Variants in FRAS1 observed in about 807,000 individuals in gnomAD.
FRAS1 encodes Fraser extracellular matrix complex subunit 1.
FRAS1 carries 290 observed loss-of-function variants against 435.2 expected under a neutral mutation model. That is an observed-to-expected ratio of 0.67 (90% CI 0.61 to 0.73). FRAS1 has a LOEUF of 0.73. FRAS1 is among the 30% of genes least tolerant of loss of function. The pLI, the probability that FRAS1 is intolerant of heterozygous loss-of-function variation, is 0.00. For synonymous variants in FRAS1, 1,800 were observed against 1,851.0 expected (o/e 0.97, Z 0.71); for missense variants, 4,860 against 5,001.5 (o/e 0.97, Z 0.85).
At chr4:78,508,636 A>C in intron 62 of FRAS1, 95 bp from the exon 63 acceptor site, 1 of 1,276,642 alleles carries the variant, frequency 7.8e-7, no homozygotes, top group East Asian at 2.4e-5. Context: ...ACCTGTAGAC[A>C]CTAAGAGATC....
intron 19 of FRAS1, among the ~76,000 whole-genome samples, chr4:78,336,658 A>G (rs536467959): frequency 6.6e-6 from 1 of 152,042 alleles, no homozygotes; most frequent in Non-Finnish European, 1.5e-5. Context: ...TTTTTCTTAA[A>G]TAACTCCTTA....
intron 14 of FRAS1, among the ~76,000 whole-genome samples, chr4:78,305,845 G>C (rs1220240436): frequency 6.6e-6 from 1 of 151,466 alleles, no homozygotes; most frequent in African/African-American, 2.4e-5. Context: ...TTTAATTGGA[G>C]CATTTAGTCC....
At chr4:78,109,462 C>T (rs950914919) in intron 2 of FRAS1, among the ~76,000 whole-genome samples, 17 of 152,072 alleles carry the variant, frequency 1.1e-4, no homozygotes, top group Admixed American at 3.3e-4. Flanking sequence ...AATCAATAAA[C>T]GTAATCTAGC....
intron 2 of FRAS1, among the ~76,000 whole-genome samples, chr4:78,232,558 T>C (rs1724561296): frequency 6.6e-6 from 1 of 152,214 alleles, no homozygotes; most frequent in South Asian, 2.1e-4. Context: ...GTGCTGGGAT[T>C]ACAGGCGTGA....
At chr4:78,211,017 C>T (rs768033629) in intron 2 of FRAS1, among the ~76,000 whole-genome samples, 50 of 152,112 alleles carry the variant, frequency 3.3e-4, no homozygotes, top group Admixed American at 7.9e-4. Context: ...CATGGCCTCC[C>T]CATAGGGAAG....
At chr4:78,262,434 G>C (rs1374927452) in intron 6 of FRAS1, among the ~76,000 whole-genome samples, 2 of 152,220 alleles carry the variant, frequency 1.3e-5, no homozygotes, top group Non-Finnish European at 2.9e-5. Flanking sequence ...CACATTGGAG[G>C]GAGGAAGGCC....
intron 2 of FRAS1, among the ~76,000 whole-genome samples, chr4:78,189,972 C>T (rs753766854): frequency 6.6e-6 from 1 of 152,194 alleles, no homozygotes; most frequent in Non-Finnish European, 1.5e-5. Context: ...CATCTTTTGC[C>T]TGCACTGATG....
At position 78,419,176 on chromosome 4, in the gene FRAS1, G is replaced by T. The variant is rs534072031; in HGVS notation, c.4540+113G>T. 1.2e-4 allele frequency: 67 copies of T among 582,180 alleles called. No individual in the cohort carries two copies. The East Asian group carries it at 2.0e-3, about 17-fold the overall frequency. 36.1% of individuals were successfully genotyped at this position (582,180 alleles called of 1,614,324 possible). A position where few individuals can be genotyped will look rare whatever the true frequency, so the allele number is the denominator to read the frequency against. On this transcript the variant is annotated intron_variant, in intron 33 of 73. Transcript: ENST00000512123. ...TGTATACATAGAGATATTTGTTGAG[G>T]TTTCAAGGAATAATGATTATTCATA...
chr4:78,244,341 A>T (rs1176799835), intron 3 of FRAS1, among the ~76,000 whole-genome samples: 1 of 152,130 alleles, frequency 6.6e-6, no homozygotes, highest in African/African-American at 2.4e-5. Context: ...CCTGTGGATA[A>T]GTCATGATTT....
At chr4:78,321,446 G>A (rs902617314) in intron 18 of FRAS1, among the ~76,000 whole-genome samples, 5 of 152,296 alleles carry the variant, frequency 3.3e-5, no homozygotes, top group East Asian at 1.9e-4. Flanking sequence ...CAGGAGAGAA[G>A]CACAGCATAC....
chr4:78,456,827 G>C lies in FRAS1; in HGVS notation c.6763+4473G>C, dbSNP rs1246583947. The stretch of plus-strand genomic sequence containing the variant: ...AGTTGTGGATTAGTGAGAAATAGTA[G>C]GCTGTGGCATCTAATCCTAAGTCTG... On this transcript the variant is annotated intron_variant, in intron 47 of 73. Coordinates refer to ENST00000512123, the MANE Select transcript of FRAS1 (RefSeq NM_025074.7). 2.6e-5 allele frequency among the ~76,000 whole-genome samples: 4 copies of C among 152,200 alleles called. No homozygotes were observed. In the East Asian group the frequency reaches 5.8e-4, roughly 22 times the overall value.
At chr4:78,382,646 A>G (rs1283868117) in intron 27 of FRAS1, among the ~76,000 whole-genome samples, 3 of 152,196 alleles carry the variant, frequency 2.0e-5, no homozygotes, top group South Asian at 4.2e-4. Context: ...TTAAAAAGCA[A>G]TCACGTTTAT....
chr4:78,204,650 G>C (rs966117096), intron 2 of FRAS1, among the ~76,000 whole-genome samples: 1 of 152,140 alleles, frequency 6.6e-6, no homozygotes, highest in Non-Finnish European at 1.5e-5. Flanking sequence ...TTTTACCAGC[G>C]ATTTTTTCCT....
At position 78,515,835 on chromosome 4, in the gene FRAS1, C is replaced by A; in HGVS notation, c.10211C>A (p.Thr3404Asn). Residue 3404 changes from threonine (T) to asparagine (N), a missense_variant, in exon 66 of 74, where the codon ACT becomes AAT. By Grantham distance (65) the Thr-to-Asn change is moderately conservative. Transcript: ENST00000512123. Reference sequence around the variant, plus strand: ...CTGGATGATGTGGTCTATGATAGCACTGCCCTGGGGCCTGGCTACGATCGC... The same window carrying A: ...CTGGATGATGTGGTCTATGATAGCAATGCCCTGGGGCCTGGCTACGATCGC... ...GFLDDVVYDS[T>N]ALGPGYDRPF... 6.2e-7 allele frequency: 1 copy of A among 1,614,064 alleles called. No individual in the cohort carries two copies. Among genetic ancestry groups the A allele is most frequent in the Non-Finnish European group, 8.5e-7 (1 of 1,179,906 alleles).
chr4:78,440,768 G>T (rs1734626869), intron 40 of FRAS1, among the ~76,000 whole-genome samples: 1 of 152,194 alleles, frequency 6.6e-6, no homozygotes, highest in African/African-American at 2.4e-5. Context: ...CACCCTCACA[G>T]TATCCGCAGG....
At position 78,387,491 on chromosome 4, in the gene FRAS1, A is replaced by C; in HGVS notation, c.3765A>C (p.Glu1255Asp). ...ACAACCCACAGGATGTGGTCATTGAAATAATCGATCCTCCACTTCATGGCC... is the reference window on the plus strand; with the variant it reads ...ACAACCCACAGGATGTGGTCATTGACATAATCGATCCTCCACTTCATGGCC... The part of the protein sequence containing the change: ...DDDNPQDVVI[E>D]IIDPPLHGQL... Residue 1255 changes from glutamate to aspartate, a missense_variant, in exon 29 of 74, where the codon GAA (glutamate) becomes GAC (aspartate). Coordinates refer to ENST00000512123, the MANE Select transcript of FRAS1 (RefSeq NM_025074.7). 1 of 1,613,568 alleles carries C rather than the reference A, an allele frequency of 6.2e-7. No individual in the cohort carries two copies. The highest frequency in any genetic ancestry group is 8.5e-7 in the Non-Finnish European group (1 of 1,179,770).
rs566324970 is a variant in FRAS1 at position 78,532,752 on chromosome 4, G to T, written c.10926-1697G>T. 8.5e-5 allele frequency among the ~76,000 whole-genome samples: 13 copies of T among 152,148 alleles called. No homozygotes were observed. The South Asian group carries it at 2.5e-3, about 29-fold the overall frequency. ...ATTGTGCAGTATTTTTCTGTGTCTG[G>T]CTAATTTCACATAGTATAATGTCTT... On this transcript the variant is annotated intron_variant, in intron 70 of 73. Coordinates refer to ENST00000512123, the MANE Select transcript of FRAS1 (RefSeq NM_025074.7).
chr4:78,385,645 G>C (rs1732189223), intron 28 of FRAS1, among the ~76,000 whole-genome samples: 1 of 152,140 alleles, frequency 6.6e-6, no homozygotes, highest in Non-Finnish European at 1.5e-5. Flanking sequence ...CAGCAATTTG[G>C]GAGGCTGAAA....
Position 78,466,326 on chromosome 4 carries a change from A to G in FRAS1, c.7148A>G (p.Asn2383Ser). 6.2e-7 allele frequency: 1 copy of G among 1,613,866 alleles called. No homozygotes were observed. The highest frequency in any genetic ancestry group is 8.5e-7 in the Non-Finnish European group (1 of 1,179,790). Residue 2383 changes from asparagine (N) to serine (S), a missense_variant, in exon 50 of 74, where the codon AAC becomes AGC. Asn to Ser is a conservative substitution (Grantham distance 46, BLOSUM62 1). Transcript: ENST00000512123. ...TTCACCATGAAAGATATCTACCAGA[A>G]CCGGGTCAGCTACAGCCATGACGGC... is the stretch of plus-strand genomic sequence containing the variant. ...STFTMKDIYQNRVSYSHDGSN... is the reference protein window; with the variant it reads ...STFTMKDIYQSRVSYSHDGSN...
Sources: allele counts gnomAD v4.1 joint callset (sites outside exome capture counted in the v4.1 genomes callset), GRCh38; gene constraint gnomAD v4.1.1; transcripts MANE v1.5; gene names NCBI Gene and HGNC (gene_info 2026-07-23, HGNC 2026-07-21).